CYP4Z1: variants seen among roughly 807,000 people sequenced by gnomAD.
The protein encoded by CYP4Z1 is cytochrome P450 family 4 subfamily Z member 1, also known as cytochrome P450 4Z1.
In CYP4Z1, 41 loss-of-function variants were observed where a neutral mutation model predicts 54.2. The observed-to-expected ratio is 0.76, with a 90% CI of 0.59 to 0.98. The LOEUF (loss-of-function observed/expected upper bound fraction) is 0.98. CYP4Z1 is among the 50% of genes least tolerant of loss of function. The pLI, the probability that CYP4Z1 is intolerant of heterozygous loss-of-function variation, is 0.00. For synonymous variants in CYP4Z1, 163 were observed against 206.2 expected, an observed-to-expected ratio of 0.79 and a Z score of 1.79; for missense variants, 513 against 599.0, an observed-to-expected ratio of 0.86 and a Z score of 1.50.
At chr1:47,113,095 C>G (rs146021511) in intron 9 of CYP4Z1, among the ~76,000 whole-genome samples, 10 of 152,234 alleles carry the variant, frequency 6.6e-5, no homozygotes, top group African/African-American at 2.4e-4. Context: ...TGACCTCTTT[C>G]CCATTTTAAG....
chr1:47,074,204 A>G (rs2148526057), intron 2 of CYP4Z1, among the ~76,000 whole-genome samples: 1 of 151,450 alleles, frequency 6.6e-6, no homozygotes, highest in East Asian at 1.9e-4. Flanking sequence ...TTACCTGGGT[A>G]TACTGCATGA....
chr1:47,092,627 T>C (rs186660183), intron 6 of CYP4Z1, among the ~76,000 whole-genome samples: 39 of 152,216 alleles, frequency 2.6e-4, no homozygotes, highest in African/African-American at 8.2e-4. Context: ...ATTGCCTCTC[T>C]CCCAATTGGG....
chr1:47,093,604 C>T (rs1408458966), intron 6 of CYP4Z1, among the ~76,000 whole-genome samples: 1 of 152,114 alleles, frequency 6.6e-6, no homozygotes, highest in Non-Finnish European at 1.5e-5. Flanking sequence ...CTTAGAATCC[C>T]CTTACTAAGT....
In CYP4Z1 at chr1:47,073,392, A is replaced by G. The variant is rs372403209; in HGVS notation, c.319+4629A>G. On this transcript the variant is annotated intron_variant, in intron 2 of 11. Transcript: ENST00000334194. ...GCATAATGCTGATTTCATAAAAATG[A>G]AAAGCTTTTGTGTGTCAAGGGCCAC... Among the ~76,000 whole-genome samples the G allele has an allele frequency of 2.3e-3, 311 of 136,068 alleles. No individual in the cohort carries two copies. In the East Asian group the frequency reaches 0.029, roughly 13 times the overall value. The allele number at this position is 136,068 out of a possible 152,430, so 89.3% of individuals were successfully genotyped here.
intron 2 of CYP4Z1, chr1:47,075,673 GTATAGT>G (rs1644515530): frequency 6.5e-6 from 1 of 153,512 alleles, no homozygotes; most frequent in Non-Finnish European, 1.4e-5. Context: ...GTGCCCTCAA[GTATAGT>G]TATAGGCAGC....
intron 1 of CYP4Z1, 150 bp from the exon 2 acceptor site, chr1:47,068,472 T>A (rs1644466846): frequency 2.1e-6 from 2 of 948,420 alleles, no homozygotes; most frequent in Non-Finnish European, 3.2e-6. Flanking sequence ...TGGAGACACA[T>A]GGAGAAGAAA....
intron 8 of CYP4Z1, among the ~76,000 whole-genome samples, chr1:47,103,416 C>A (rs1243075726): frequency 1.3e-5 from 2 of 151,600 alleles, no homozygotes; most frequent in Admixed American, 1.3e-4. Context: ...GGCCTCAAGC[C>A]ATCTTACTGC....
the CYP4Z1 span, among the ~76,000 whole-genome samples, chr1:47,056,161 C>T: frequency 2.0e-5 from 3 of 152,200 alleles, no homozygotes; most frequent in East Asian, 5.8e-4. Flanking sequence ...TTATTTCTGC[C>T]TTCATTTCTT....
intron 9 of CYP4Z1, 33 bp downstream of exon 9, chr1:47,106,294 G>A: frequency 1.9e-6 from 3 of 1,587,900 alleles, no homozygotes; most frequent in East Asian, 2.3e-5. Context: ...TTTTAACAAT[G>A]CAGCTGTGCT....
the CYP4Z1 span, among the ~76,000 whole-genome samples, chr1:47,058,661 A>G: frequency 6.6e-6 from 1 of 152,084 alleles, no homozygotes; most frequent in African/African-American, 2.4e-5. Context: ...TCTCTTTCAT[A>G]CACCACACCT....
intron 9 of CYP4Z1, among the ~76,000 whole-genome samples, chr1:47,111,968 A>C (rs1213606854): frequency 6.6e-6 from 1 of 152,240 alleles, no homozygotes; most frequent in East Asian, 1.9e-4. Context: ...GCATTCATTC[A>C]GAAGAGAAGC....
chr1:47,084,530 A>G (rs1324064811), intron 4 of CYP4Z1, 90 bp from the exon 5 acceptor site: 5 of 1,553,608 alleles, frequency 3.2e-6, no homozygotes, highest in Non-Finnish European at 4.3e-6. Flanking sequence ...ATATTTTCAA[A>G]CCCAGCAAGC....
chr1:47,099,936 A>G (rs2897176), intron 8 of CYP4Z1, among the ~76,000 whole-genome samples: 62,543 of 151,330 alleles, frequency 0.41, 14,189 homozygotes, highest in East Asian at 0.97. Flanking sequence ...AAAATTGCTC[A>G]TTACCAGCAC....
At chr1:47,087,455 C>G (rs149605612) in intron 6 of CYP4Z1, among the ~76,000 whole-genome samples, 11,537 of 152,168 alleles carry the variant, frequency 0.076, 542 homozygotes, top group East Asian at 0.22. Flanking sequence ...CTCTTTGAAG[C>G]AATTGTAAAT....
chr1:47,113,020 A>G (rs1348636915), intron 9 of CYP4Z1, among the ~76,000 whole-genome samples: 3 of 151,988 alleles, frequency 2.0e-5, no homozygotes, highest in Non-Finnish European at 2.9e-5. Context: ...AAAAAAGACA[A>G]TACTCTCACT....
At chr1:47,104,675 G>T (rs949815499) in intron 8 of CYP4Z1, among the ~76,000 whole-genome samples, 1 of 152,164 alleles carries the variant, frequency 6.6e-6, no homozygotes, top group Non-Finnish European at 1.5e-5. Context: ...CAGGAGAAGT[G>T]CTCAGGTGCC....
intron 9 of CYP4Z1, among the ~76,000 whole-genome samples, chr1:47,114,718 G>C (rs1361175405): frequency 1.3e-5 from 2 of 152,194 alleles, no homozygotes; most frequent in Non-Finnish European, 2.9e-5. Flanking sequence ...CTGGCCATCA[G>C]AGAAATGCAA....
At position 47,068,637 on chromosome 1, in the gene CYP4Z1, G is replaced by T; in HGVS notation, c.193G>T (p.Glu65Ter). 6.2e-7 allele frequency: 1 copy of T among 1,614,118 alleles called. No homozygotes were observed. Among genetic ancestry groups the T allele is most frequent in the Non-Finnish European group, 8.5e-7 (1 of 1,179,988 alleles). The change falls in exon 2 of 12, where the codon GAG becomes TAG. Residue 65 changes from glutamate (E) to a stop codon, truncating the protein, a stop_gained. Transcript: ENST00000334194. LOFTEE classifies it high-confidence loss of function. ...YGHKEFYPVK[E>*]FEVYHKLMEK... Reference sequence around the variant, plus strand: ...CTTATGACAGTTTTACCCAGTAAAGGAGTTTGAGGTGTATCATAAGCTGAT... The same window carrying T: ...CTTATGACAGTTTTACCCAGTAAAGTAGTTTGAGGTGTATCATAAGCTGAT...
chr1:47,085,587 T>G (rs1644587045), intron 6 of CYP4Z1, among the ~76,000 whole-genome samples: 1 of 152,224 alleles, frequency 6.6e-6, no homozygotes, highest in Admixed American at 6.5e-5. Flanking sequence ...TATGATAACC[T>G]CTGCTTTCCT....
Sources: allele counts gnomAD v4.1 joint callset (sites outside exome capture counted in the v4.1 genomes callset), GRCh38; gene constraint gnomAD v4.1.1; transcripts MANE v1.5; gene names NCBI Gene and HGNC (gene_info 2026-07-23, HGNC 2026-07-21).